The following CD247 variants were observed in gnomAD, a reference collection of about 807,000 sequenced individuals.
CD247 encodes T-cell surface glycoprotein CD3 zeta chain.
Under a neutral mutation model 30.0 loss-of-function variants are expected in CD247, and 13 were observed. That is an observed-to-expected ratio of 0.43 (90% CI 0.28 to 0.69). The LOEUF is 0.69. Ranked by LOEUF, CD247 falls within the 30% of genes least tolerant of loss-of-function variation. The probability of loss-of-function intolerance (pLI) is 0.16; values close to 1 mark genes in which losing one functional copy is unlikely to be tolerated. For missense variants in CD247, 193 were observed against 212.6 expected, an observed-to-expected ratio of 0.91 and a Z score of 0.57; for synonymous variants, 72 against 80.0, an observed-to-expected ratio of 0.90 and a Z score of 0.53.
intron 1 of CD247, among the ~76,000 whole-genome samples, chr1:167,475,838 A>G (rs1010966367): frequency 6.6e-6 from 1 of 152,198 alleles, no homozygotes; most frequent in Non-Finnish European, 1.5e-5. Context: ...AAGGAATTCT[A>G]GATATGCAAG....
intron 1 of CD247, among the ~76,000 whole-genome samples, chr1:167,514,816 T>C (rs940127835): frequency 6.6e-6 from 1 of 152,172 alleles, no homozygotes. Context: ...AAAGTGCGTG[T>C]TTGGACAACT....
At position 167,498,834 on chromosome 1, in the gene CD247, G is replaced by C. The variant is rs576219373; in HGVS notation, c.58+19574C>G. On this transcript the variant is annotated intron_variant, in intron 1 of 7. Transcript: ENST00000362089. ...ACCTTACCATCTAGACAGAAATGCAGATGGCGGACACAAGAGGCACTTGCA... is the reference window on the plus strand; with the variant it reads ...ACCTTACCATCTAGACAGAAATGCACATGGCGGACACAAGAGGCACTTGCA... 3.9e-4 allele frequency among the ~76,000 whole-genome samples: 59 copies of C among 152,300 alleles called. No homozygotes were observed. The South Asian group carries it at 6.8e-3, about 18-fold the overall frequency.
At chr1:167,514,625 C>T (rs1655526868) in intron 1 of CD247, among the ~76,000 whole-genome samples, 1 of 151,466 alleles carries the variant, frequency 6.6e-6, no homozygotes, top group African/African-American at 2.4e-5. Context: ...TTTTTTTAAC[C>T]ATATTGAATG....
chr1:167,439,772 G>T, intron 2 of CD247: 1 of 283,932 alleles, frequency 3.5e-6, no homozygotes, highest in South Asian at 4.1e-5. Context: ...GGACAATCCA[G>T]GGTGGATGGC....
At chr1:167,472,572 G>A (rs1162112077) in intron 1 of CD247, among the ~76,000 whole-genome samples, 2 of 152,006 alleles carry the variant, frequency 1.3e-5, no homozygotes, top group Admixed American at 1.3e-4. Flanking sequence ...CAGTAACAAC[G>A]AAGCGAAGAA....
intron 1 of CD247, among the ~76,000 whole-genome samples, chr1:167,493,102 G>T (rs1160350179): frequency 1.4e-5 from 2 of 142,876 alleles, no homozygotes; most frequent in Non-Finnish European, 3.0e-5. Flanking sequence ...GAGTGCAGTG[G>T]TGCGATCTCG....
At chr1:167,443,432 G>C (rs930464844) in intron 1 of CD247, among the ~76,000 whole-genome samples, 1 of 152,186 alleles carries the variant, frequency 6.6e-6, no homozygotes, top group Non-Finnish European at 1.5e-5. Flanking sequence ...GGCCTCTGGG[G>C]GACAAGCCAG....
intron 1 of CD247, chr1:167,448,454 T>G (rs1008548096): frequency 2.0e-6 from 2 of 985,272 alleles, no homozygotes; most frequent in African/African-American, 3.5e-5. Flanking sequence ...GACTCTACAA[T>G]TAGCTTTCTT....
At position 167,518,408 on chromosome 1, in the gene CD247, C is replaced by G; in HGVS notation, c.58G>C (p.Glu20Gln). 2 of 1,614,166 alleles carry G rather than the reference C, an allele frequency of 1.2e-6. No individual in the cohort carries two copies. Among genetic ancestry groups the G allele is most frequent in the Non-Finnish European group, 8.5e-7 (1 of 1,179,984 alleles). The change falls in exon 1 of 8, where the codon GAG (glutamate) becomes CAG (glutamine). Residue 20 changes from glutamate (E) to glutamine (Q), a missense_variant and splice_region_variant. By Grantham distance (29) the Glu-to-Gln change is conservative. Transcript: ENST00000362089. ...AILQAQLPIT[E>Q]AQSFGLLDPK... The stretch of plus-strand genomic sequence containing the variant: ...CCTGCCGTCGACACGTCGGCCCTAC[C>G]TGTAATCGGCAACTGTGCCTGCAGG...
At chr1:167,462,165 C>G (rs780270648) in intron 1 of CD247, among the ~76,000 whole-genome samples, 1 of 152,176 alleles carries the variant, frequency 6.6e-6, no homozygotes, top group African/African-American at 2.4e-5. Flanking sequence ...CCACCTGGCT[C>G]TCTTCAAGCT....
At chr1:167,472,812 C>T (rs544103498) in intron 1 of CD247, among the ~76,000 whole-genome samples, 2 of 152,272 alleles carry the variant, frequency 1.3e-5, no homozygotes, top group African/African-American at 4.8e-5. Context: ...TCTGATCCTG[C>T]CACTCCCACA....
At chr1:167,510,748 C>A (rs1244373703) in intron 1 of CD247, among the ~76,000 whole-genome samples, 1 of 152,166 alleles carries the variant, frequency 6.6e-6, no homozygotes, top group East Asian at 1.9e-4. Flanking sequence ...GTATCTACAG[C>A]AAAAGAGGGG....
rs187610359 is a variant in CD247 at position 167,494,187 on chromosome 1, G to T, written c.58+24221C>A. 6.6e-6 allele frequency among the ~76,000 whole-genome samples: 1 copy of T among 152,190 alleles called. No homozygotes were observed. The highest frequency in any genetic ancestry group is 1.5e-5 in the Non-Finnish European group (1 of 68,030). Reference sequence around the variant, plus strand: ...AGACGATGGAGGGTTGGGGGATGGAGGTGGCTAGTGAATAAAACACTTCTG... The same window carrying T: ...AGACGATGGAGGGTTGGGGGATGGATGTGGCTAGTGAATAAAACACTTCTG... On this transcript the variant is annotated intron_variant, in intron 1 of 7. Transcript: ENST00000362089. This position sits in a 1 kb window ranked among gnomAD's most constrained non-coding sequence, Gnocchi z 7.3.
In CD247 at chr1:167,462,598, G is replaced by C. The variant is rs558466401; in HGVS notation, c.59-21831C>G. On this transcript the variant is annotated intron_variant, in intron 1 of 7. Coordinates refer to ENST00000362089, the MANE Select transcript of CD247 (RefSeq NM_198053.3). ...GCCCTGGTCTAAGCCAGAAAAGGAG[G>C]AGAACTGTTCCTTTTGGGGGCCGAT... Among the ~76,000 whole-genome samples, 5 of 152,362 alleles carry C rather than the reference G, an allele frequency of 3.3e-5. 1 individual carries two copies. The South Asian group carries it at 1.0e-3, about 32-fold the overall frequency.
intron 1 of CD247, among the ~76,000 whole-genome samples, chr1:167,481,526 A>G (rs1323138694): frequency 6.6e-6 from 1 of 152,212 alleles, no homozygotes; most frequent in Non-Finnish European, 1.5e-5. Context: ...GGTGCCGTCT[A>G]TAATGTGGGT....
chr1:167,495,470 G>A (rs770435550), intron 1 of CD247, among the ~76,000 whole-genome samples: 11 of 152,158 alleles, frequency 7.2e-5, no homozygotes, highest in East Asian at 3.8e-4. Context: ...ATATAGGAGC[G>A]CAACAGATGT....
chr1:167,474,675 C>T (rs1427268516), intron 1 of CD247, among the ~76,000 whole-genome samples: 2 of 150,786 alleles, frequency 1.3e-5, no homozygotes, highest in African/African-American at 4.9e-5. Context: ...TGGGAGCCAG[C>T]TTGAAGAGGC....
At chr1:167,506,634 A>C (rs1799704) in intron 1 of CD247, among the ~76,000 whole-genome samples, 45,880 of 151,668 alleles carry the variant, frequency 0.3, 7,372 homozygotes, top group Admixed American at 0.42. Context: ...AGTGGCAGCA[A>C]CCCTAACCCC....
intron 1 of CD247, among the ~76,000 whole-genome samples, chr1:167,477,013 A>G (rs1359021471): frequency 6.6e-6 from 1 of 152,220 alleles, no homozygotes; most frequent in Non-Finnish European, 1.5e-5. Context: ...TCATACATAG[A>G]TGGAAGAGGC....
Sources: allele counts gnomAD v4.1 joint callset (sites outside exome capture counted in the v4.1 genomes callset), GRCh38; gene constraint gnomAD v4.1.1; non-coding constraint Gnocchi (gnomAD v3.1); transcripts MANE v1.5; gene names NCBI Gene and HGNC (gene_info 2026-07-23, HGNC 2026-07-21).